The following SNX18 variants were observed in gnomAD, a reference collection of about 807,000 sequenced individuals.
SNX18 encodes sorting nexin-18.
SNX18 carries 35 observed loss-of-function variants against 48.7 expected under a neutral mutation model. That is an observed-to-expected ratio of 0.72 (90% confidence interval 0.55 to 0.95). The LOEUF (loss-of-function observed/expected upper bound fraction) is 0.95, where lower values mean the gene tolerates loss of function less well. Among genes scored for constraint, SNX18 ranks in the 40% least tolerant of loss-of-function variants. The pLI is 0.00. For missense variants in SNX18, 824 were observed against 871.0 expected, an observed-to-expected ratio of 0.95 and a Z score of 0.68; for synonymous variants, 492 against 384.7, an observed-to-expected ratio of 1.28 and a Z score of -3.26.
the SNX18 span, among the ~76,000 whole-genome samples, chr5:54,599,462 A>C: frequency 6.6e-6 from 1 of 152,186 alleles, no homozygotes; most frequent in African/African-American, 2.4e-5. Context: ...GACATTCTTC[A>C]CAAAATTAGA....
At chr5:54,537,289 A>C (rs566400701) in intron 1 of SNX18, among the ~76,000 whole-genome samples, 1 of 152,310 alleles carries the variant, frequency 6.6e-6, no homozygotes, top group South Asian at 2.1e-4. Flanking sequence ...GGTACTACTT[A>C]ATTGTTAGGT....
At chr5:54,620,963 C>A in the SNX18 span, among the ~76,000 whole-genome samples, 15 of 152,292 alleles carry the variant, frequency 9.8e-5, no homozygotes, top group Admixed American at 8.5e-4. Flanking sequence ...TTTAAAGGTC[C>A]TTTCTCCAAA....
At position 54,544,647 on chromosome 5, in the gene SNX18, C is replaced by A. The variant is rs866325052; in HGVS notation, c.*1215C>A. ...AAGGTATTGATGAGCCCCCCCCCCC[C>A]AGGACATTTAACCTTAAAATTTATT... On this transcript the variant is annotated 3_prime_UTR_variant, in exon 2 of 2. Coordinates refer to ENST00000381410, the MANE Select transcript of SNX18 (RefSeq NM_001102575.2). The A allele has an allele frequency of 2.3e-4, 28 of 123,248 alleles. 1 individual carries two copies. The South Asian group carries it at 2.7e-3, about 12-fold the overall frequency. The allele number at this position is 123,248 out of a possible 1,614,324, so 7.6% of individuals were successfully genotyped here. A position where few individuals can be genotyped will look rare whatever the true frequency, so the allele number is the denominator to read the frequency against.
the SNX18 span, among the ~76,000 whole-genome samples, chr5:54,593,988 CA>C: frequency 2.0e-5 from 3 of 152,056 alleles, no homozygotes. Flanking sequence ...AGAGAGGCAA[CA>C]GAGGCATGAG....
the SNX18 span, among the ~76,000 whole-genome samples, chr5:54,575,671 C>T: frequency 6.6e-6 from 1 of 151,996 alleles, no homozygotes; most frequent in Admixed American, 6.6e-5. Context: ...GCAGACCCCC[C>T]TTTTTTTAAA....
chr5:54,525,747 G>A (rs1431902048), intron 1 of SNX18, among the ~76,000 whole-genome samples: 2 of 152,060 alleles, frequency 1.3e-5, no homozygotes, highest in African/African-American at 4.8e-5. Context: ...TTATTTCCTA[G>A]GTACTATTTT....
the SNX18 span, among the ~76,000 whole-genome samples, chr5:54,603,964 C>T: frequency 6.6e-6 from 1 of 152,180 alleles, no homozygotes; most frequent in Non-Finnish European, 1.5e-5. Flanking sequence ...GGAGAAAGAA[C>T]ACTAACAATT....
At chr5:54,550,821 G>C (rs944794988), downstream of SNX18, among the ~76,000 whole-genome samples, 4 of 152,114 alleles carry the variant, frequency 2.6e-5, no homozygotes, top group African/African-American at 9.7e-5. Flanking sequence ...CTGACCTCAG[G>C]TGATCCACCT....
the SNX18 span, among the ~76,000 whole-genome samples, chr5:54,635,184 G>A: frequency 6.6e-6 from 1 of 151,414 alleles, no homozygotes; most frequent in Non-Finnish European, 1.5e-5. Flanking sequence ...TATTTGTGTT[G>A]CTCTGGGCCA....
the SNX18 span, among the ~76,000 whole-genome samples, chr5:54,575,936 T>TAA: frequency 1.3e-5 from 2 of 152,224 alleles, no homozygotes; most frequent in African/African-American, 4.8e-5. Flanking sequence ...TTTCTTTGTC[T>TAA]AAAAGGCATA....
At chr5:54,612,160 G>A in the SNX18 span, among the ~76,000 whole-genome samples, 2 of 152,110 alleles carry the variant, frequency 1.3e-5, no homozygotes, top group Non-Finnish European at 2.9e-5. Context: ...TGTTAGTAAT[G>A]AGCTATTCCT....
the SNX18 span, among the ~76,000 whole-genome samples, chr5:54,605,407 G>A: frequency 6.6e-6 from 1 of 152,120 alleles, no homozygotes; most frequent in Non-Finnish European, 1.5e-5. Context: ...CTTAGAAAAT[G>A]TAAAGCCACG....
chr5:54,538,644 A>G (rs1762402952), intron 1 of SNX18, among the ~76,000 whole-genome samples: 1 of 152,254 alleles, frequency 6.6e-6, no homozygotes, highest in Admixed American at 6.5e-5. Flanking sequence ...AAACTTTGCA[A>G]AGTATTTTAT....
chr5:54,552,453 A>G, the SNX18 span, among the ~76,000 whole-genome samples: 1 of 152,226 alleles, frequency 6.6e-6, no homozygotes, highest in Non-Finnish European at 1.5e-5. Context: ...TACTCTTTCA[A>G]TACAAAAACT....
At chr5:54,542,196 C>T (rs192253240) in intron 1 of SNX18, among the ~76,000 whole-genome samples, 12 of 152,270 alleles carry the variant, frequency 7.9e-5, no homozygotes, top group African/African-American at 2.6e-4. Context: ...TATTTCCTAC[C>T]CCTAAACATC....
At chr5:54,576,092 A>G in the SNX18 span, among the ~76,000 whole-genome samples, 1 of 152,154 alleles carries the variant, frequency 6.6e-6, no homozygotes, top group African/African-American at 2.4e-5. Flanking sequence ...CAAGGATCCC[A>G]CAGGGGTAGA....
chr5:54,595,574 C>T, the SNX18 span, among the ~76,000 whole-genome samples: 1 of 152,306 alleles, frequency 6.6e-6, no homozygotes, highest in African/African-American at 2.4e-5. Context: ...CTACTTTCCA[C>T]AGTGGCTAAA....
chr5:54,583,589 G>A, the SNX18 span, among the ~76,000 whole-genome samples: 1 of 152,324 alleles, frequency 6.6e-6, no homozygotes, highest in East Asian at 1.9e-4. Context: ...TATTAGTCGT[G>A]TGGCATTGGA....
the SNX18 span, among the ~76,000 whole-genome samples, chr5:54,614,151 G>A: frequency 1.3e-5 from 2 of 152,324 alleles, no homozygotes; most frequent in South Asian, 2.1e-4. Flanking sequence ...TAAAGATAAC[G>A]GAAAGCAGTC....
Sources: allele counts gnomAD v4.1 joint callset (sites outside exome capture counted in the v4.1 genomes callset), GRCh38; gene constraint gnomAD v4.1.1; transcripts MANE v1.5; gene names NCBI Gene and HGNC (gene_info 2026-07-23, HGNC 2026-07-21).